The following SLAMF6 variants were observed in gnomAD, a reference collection of about 807,000 sequenced individuals.
SLAMF6 encodes NK-T-B-antigen.
In SLAMF6, 21 loss-of-function variants were observed where a neutral mutation model predicts 38.3. That is an observed-to-expected ratio of 0.55 (90% confidence interval 0.39 to 0.79). The LOEUF is 0.79. SLAMF6 is among the 30% of genes least tolerant of loss of function. The pLI is 0.00. For missense variants in SLAMF6, 341 were observed against 385.3 expected, an observed-to-expected ratio of 0.89 and a Z score of 0.96; for synonymous variants, 152 against 146.3, an observed-to-expected ratio of 1.04 and a Z score of -0.28.
chr1:160,506,898 T>C (rs1654216792), intron 1 of SLAMF6, among the ~76,000 whole-genome samples: 2 of 151,582 alleles, frequency 1.3e-5, no homozygotes, highest in Admixed American at 6.6e-5. Context: ...TAACTAAAAA[T>C]ACAGGAAAGG....
chr1:160,497,506 T>C (rs1653650937), intron 1 of SLAMF6, among the ~76,000 whole-genome samples: 1 of 152,178 alleles, frequency 6.6e-6, no homozygotes, highest in African/African-American at 2.4e-5. Context: ...TTGCTTCTTT[T>C]TCTTAAAAAT....
intron 2 of SLAMF6, among the ~76,000 whole-genome samples, chr1:160,494,663 G>T (rs1653478825): frequency 6.6e-6 from 1 of 152,198 alleles, no homozygotes; most frequent in Non-Finnish European, 1.5e-5. Flanking sequence ...GAGACAGACA[G>T]AAAAGAAGGA....
chr1:160,491,789 G>T (rs953450715), intron 2 of SLAMF6, among the ~76,000 whole-genome samples: 2 of 152,186 alleles, frequency 1.3e-5, no homozygotes, highest in African/African-American at 4.8e-5. Flanking sequence ...TCAGTGATGT[G>T]AGAAGCCAAG....
intron 3 of SLAMF6, 51 bp downstream of exon 3, chr1:160,491,074 C>T (rs140977005): frequency 1.1e-5 from 18 of 1,603,218 alleles, no homozygotes; most frequent in African/African-American, 5.4e-5. Flanking sequence ...TGTGAGGACG[C>T]GTTAAACCCC....
Position 160,523,210 on chromosome 1 carries a change from CT to C in SLAMF6, c.-19del. On this transcript the variant is annotated 5_prime_UTR_variant, in exon 1 of 8. Transcript: ENST00000368057. ...CACAACATGCTTTCCGCGGTGAAGA[CT>C]GGTGCTTGAGACCTTGAGGCAGTCA... 6.2e-7 allele frequency: 1 copy of C among 1,612,682 alleles called. No homozygotes were observed. The highest frequency in any genetic ancestry group is 8.5e-7 in the Non-Finnish European group (1 of 1,179,338).
At chr1:160,502,223 G>A (rs1330250110) in intron 1 of SLAMF6, among the ~76,000 whole-genome samples, 1 of 152,192 alleles carries the variant, frequency 6.6e-6, no homozygotes, top group African/African-American at 2.4e-5. Context: ...GGCATCCTGT[G>A]TGGGGGACTA....
In SLAMF6 at chr1:160,496,188, T is replaced by C; in HGVS notation, c.255A>G (p.Arg85=). The stretch of plus-strand genomic sequence containing the variant: ...GGGAGTAGGACTGGGTGAAGTTCAG[T>C]CGCTTTCCCTGTTTCGGATTAGTCA... ...IHVTNPKQGK[R]LNFTQSYSLQ... The change falls in exon 2 of 8, where the codon CGA becomes CGG. Residue 85 remains arginine (R), a synonymous_variant. Coordinates refer to ENST00000368057, the MANE Select transcript of SLAMF6 (RefSeq NM_001184714.2). 6.2e-7 allele frequency: 1 copy of C among 1,613,960 alleles called. No homozygotes were observed. The highest frequency in any genetic ancestry group is 8.5e-7 in the Non-Finnish European group (1 of 1,179,922).
At position 160,503,438 on chromosome 1, in the gene SLAMF6, C is replaced by T. The variant is rs185071832; in HGVS notation, c.50-7045G>A. Among the ~76,000 whole-genome samples the T allele has an allele frequency of 3.0e-4, 46 of 151,964 alleles. 1 individual carries two copies. The East Asian group carries it at 8.5e-3, about 28-fold the overall frequency. ...CCTTCAATGGGAAAATCCGCAATCACTTTTGCACCACACTAATAACTTTCT... is the reference window on the plus strand; with the variant it reads ...CCTTCAATGGGAAAATCCGCAATCATTTTTGCACCACACTAATAACTTTCT... On this transcript the variant is annotated intron_variant, in intron 1 of 7. Transcript: ENST00000368057.
At chr1:160,506,444 G>A (rs1253148406) in intron 1 of SLAMF6, among the ~76,000 whole-genome samples, 1 of 152,104 alleles carries the variant, frequency 6.6e-6, no homozygotes, top group Non-Finnish European at 1.5e-5. Flanking sequence ...AAAAATGAAG[G>A]AGAAGTTAAG....
intron 6 of SLAMF6, 84 bp downstream of exon 6, chr1:160,489,004 T>C: frequency 7.8e-7 from 1 of 1,288,344 alleles, no homozygotes; most frequent in Non-Finnish European, 1.1e-6. Context: ...TGGTCATTTG[T>C]TCAGTCAGAT....
intron 1 of SLAMF6, among the ~76,000 whole-genome samples, chr1:160,518,758 G>A (rs1314370444): frequency 1.3e-5 from 2 of 151,926 alleles, no homozygotes; most frequent in Non-Finnish European, 2.9e-5. Flanking sequence ...ACACACTGGG[G>A]CCTGTCGGGG....
At chr1:160,493,853 GGA>G (rs973903798) in intron 2 of SLAMF6, among the ~76,000 whole-genome samples, 1 of 152,008 alleles carries the variant, frequency 6.6e-6, no homozygotes, top group Admixed American at 6.6e-5. Context: ...CATGGCAGCA[GGA>G]GAGAGAGAGA....
At chr1:160,506,312 A>T (rs1462503211) in intron 1 of SLAMF6, among the ~76,000 whole-genome samples, 2 of 152,196 alleles carry the variant, frequency 1.3e-5, no homozygotes, top group Non-Finnish European at 2.9e-5. Flanking sequence ...AATAAAATCA[A>T]CAGCCAATTT....
At chr1:160,495,893 C>T (rs1254704944) in intron 2 of SLAMF6, among the ~76,000 whole-genome samples, 168 bp downstream of exon 2, 1 of 152,178 alleles carries the variant, frequency 6.6e-6, no homozygotes, top group Non-Finnish European at 1.5e-5. Context: ...CTGTCTTCAG[C>T]TCTGTCATTA....
intron 1 of SLAMF6, among the ~76,000 whole-genome samples, chr1:160,519,028 C>G (rs950975355): frequency 2.6e-5 from 4 of 152,090 alleles, no homozygotes; most frequent in African/African-American, 9.7e-5. Context: ...GAAAAGACAA[C>G]CTACAGAATG....
rs943400212 is a variant in SLAMF6 at position 160,518,790 on chromosome 1, G to A, written c.49+4354C>T. ...GGGGGTGGGGCAGGGGGGAGAGAGA[G>A]CATCAGGAAAAATAGCTAATGTATG... On this transcript the variant is annotated intron_variant, in intron 1 of 7. Coordinates refer to ENST00000368057, the MANE Select transcript of SLAMF6 (RefSeq NM_001184714.2). 9.2e-5 allele frequency among the ~76,000 whole-genome samples: 14 copies of A among 152,200 alleles called. No homozygotes were observed. The East Asian group carries it at 2.5e-3, about 27-fold the overall frequency.
rs758476528 is a variant in SLAMF6, at chr1:160,487,173, T to G, written c.882A>C (p.Glu294Asp). Residue 294 changes from glutamate to aspartate, a missense_variant and splice_region_variant, in exon 7 of 8, where the codon GAA becomes GAC. By Grantham distance (45) the Glu-to-Asp change is conservative. Transcript: ENST00000368057. ...VYASVTHSNRETEIWTPREND... is the reference protein window; with the variant it reads ...VYASVTHSNRDTEIWTPREND... ...TTTCTCTAGGTGTCCAGATTTCTGTTTCCTGTAAAAAGAATCATACCAATT... is the reference window on the plus strand; with the variant it reads ...TTTCTCTAGGTGTCCAGATTTCTGTGTCCTGTAAAAAGAATCATACCAATT... 36 of 1,612,692 alleles carry G rather than the reference T, an allele frequency of 2.2e-5. No individual in the cohort carries two copies. Among genetic ancestry groups the G allele is most frequent in the Non-Finnish European group, 3.1e-5 (36 of 1,179,586 alleles).
chr1:160,488,466 T>C (rs922627708), intron 6 of SLAMF6, among the ~76,000 whole-genome samples: 23 of 152,318 alleles, frequency 1.5e-4, no homozygotes, highest in African/African-American at 4.8e-4. Context: ...TATTTAGAGA[T>C]GTGCCACCTG....
intron 5 of SLAMF6, 66 bp downstream of exon 5, chr1:160,490,132 C>A: frequency 1.9e-6 from 3 of 1,553,958 alleles, no homozygotes; most frequent in Non-Finnish European, 2.7e-6. Flanking sequence ...CTGCCATCCC[C>A]CTCTCTCTTC....
Sources: allele counts gnomAD v4.1 joint callset (sites outside exome capture counted in the v4.1 genomes callset), GRCh38; gene constraint gnomAD v4.1.1; transcripts MANE v1.5; gene names NCBI Gene and HGNC (gene_info 2026-07-23, HGNC 2026-07-21).